ACSF2: variants seen among roughly 807,000 people sequenced by gnomAD.
ACSF2 encodes medium-chain acyl-CoA ligase ACSF2, mitochondrial.
Under a neutral mutation model 79.3 loss-of-function variants are expected in ACSF2, and 52 were observed. That is an observed-to-expected ratio of 0.66 (90% confidence interval 0.53 to 0.83). ACSF2 has a LOEUF of 0.83. Among genes scored for constraint, ACSF2 ranks in the 40% least tolerant of loss-of-function variants. The pLI, the probability that ACSF2 is intolerant of heterozygous loss-of-function variation, is 0.00. For missense variants in ACSF2, 661 were observed against 803.3 expected (o/e 0.82, Z 2.14); for synonymous variants, 283 against 312.6 (o/e 0.91, Z 1.00).
At chr17:50,445,327 A>G (rs1374757680) in intron 1 of ACSF2, among the ~76,000 whole-genome samples, 1 of 152,068 alleles carries the variant, frequency 6.6e-6, no homozygotes, top group Non-Finnish European at 1.5e-5. Context: ...ATCTCCCACA[A>G]ATTGCTGGGA....
chr17:50,427,796 T>TA (rs748578047), intron 1 of ACSF2, among the ~76,000 whole-genome samples: 18 of 152,214 alleles, frequency 1.2e-4, no homozygotes, highest in Admixed American at 2.0e-4. Flanking sequence ...GACTTTTTTT[T>TA]ATCTATAAAC....
At chr17:50,436,234 A>G (rs1273401969) in intron 1 of ACSF2, among the ~76,000 whole-genome samples, 1 of 151,680 alleles carries the variant, frequency 6.6e-6, no homozygotes, top group East Asian at 1.9e-4. Flanking sequence ...GGTTCACGCC[A>G]TTCTCCTGCC....
intron 1 of ACSF2, among the ~76,000 whole-genome samples, chr17:50,430,040 G>T (rs1250522703): frequency 6.6e-6 from 1 of 152,230 alleles, no homozygotes; most frequent in Non-Finnish European, 1.5e-5. Flanking sequence ...TGCCTATGAG[G>T]CAGCTGCATC....
chr17:50,453,112 C>T (rs750905394), intron 1 of ACSF2, among the ~76,000 whole-genome samples: 8 of 152,116 alleles, frequency 5.3e-5, no homozygotes, highest in African/African-American at 1.4e-4. Context: ...GCTCCTGGCT[C>T]GGGTGTTCAT....
At chr17:50,468,576 A>G (rs2032907038) in intron 10 of ACSF2, 3 of 1,614,218 alleles carry the variant, frequency 1.9e-6, no homozygotes, top group East Asian at 4.5e-5. Flanking sequence ...TGCAGGTGCA[A>G]TGACACGAGG....
intron 1 of ACSF2, among the ~76,000 whole-genome samples, chr17:50,451,092 A>T (rs1027386992): frequency 6.6e-6 from 1 of 152,140 alleles, no homozygotes; most frequent in African/African-American, 2.4e-5. Context: ...GTGCACCACC[A>T]TGCCCAGCTA....
chr17:50,442,401 G>T (rs1375382778), intron 1 of ACSF2, among the ~76,000 whole-genome samples: 3 of 147,838 alleles, frequency 2.0e-5, no homozygotes, highest in African/African-American at 7.5e-5. Context: ...GGAATCAAGT[G>T]ATCCTCCCGC....
intron 1 of ACSF2, among the ~76,000 whole-genome samples, chr17:50,444,652 C>T (rs1380599704): frequency 6.6e-6 from 1 of 151,814 alleles, no homozygotes; most frequent in Non-Finnish European, 1.5e-5. Context: ...CACACACACA[C>T]ACACACACAC....
intron 11 of ACSF2, chr17:50,472,137 C>T: frequency 2.5e-6 from 1 of 407,810 alleles, no homozygotes; most frequent in African/African-American, 2.1e-5. Flanking sequence ...GCTGGCTCTG[C>T]AGTCCACAAA....
chr17:50,468,889 G>C, intron 10 of ACSF2: 3 of 1,434,900 alleles, frequency 2.1e-6, no homozygotes, highest in East Asian at 2.6e-5. Context: ...CTAGGCGCTC[G>C]GGTCTGCCGC....
chr17:50,446,711 A>G (rs553045903), intron 1 of ACSF2, among the ~76,000 whole-genome samples: 1 of 152,312 alleles, frequency 6.6e-6, no homozygotes, highest in East Asian at 1.9e-4. Context: ...TTCTAACAGC[A>G]TAGATTAGTT....
At position 50,472,430 on chromosome 17, in the gene ACSF2, C is replaced by G. The variant is rs2305998; in HGVS notation, c.1326C>G (p.Ala442=). The stretch of plus-strand genomic sequence containing the variant: ...AACCTGAGGCCATCCTGTCCCAGGC[C>G]CGGATCATGAACATGGAGGCAGGGA... The part of the protein sequence containing the change: ...SVGRIMPHTE[A]RIMNMEAGTL... Residue 442 remains alanine, a splice_region_variant and synonymous_variant, in exon 12 of 16, where the codon GCC becomes GCG. Transcript: ENST00000300441. 0.28 allele frequency: 450,654 copies of G among 1,611,118 alleles called. 65,563 individuals are homozygous for G. Among genetic ancestry groups the G allele is most frequent in the Middle Eastern group, 0.32 (1,928 of 6,030 alleles).
intron 1 of ACSF2, among the ~76,000 whole-genome samples, chr17:50,432,835 C>G (rs1483885485): frequency 6.6e-6 from 1 of 152,156 alleles, no homozygotes; most frequent in Non-Finnish European, 1.5e-5. Context: ...GTAAAATAGG[C>G]TGTTTGGACA....
At chr17:50,460,445 C>T (rs1290815117) in intron 1 of ACSF2, 15 of 566,896 alleles carry the variant, frequency 2.6e-5, no homozygotes, top group Non-Finnish European at 4.4e-5. Flanking sequence ...CGAAGGAGGG[C>T]CCTTTGCTCC....
At chr17:50,432,158 C>T (rs922475096) in intron 1 of ACSF2, among the ~76,000 whole-genome samples, 2 of 152,136 alleles carry the variant, frequency 1.3e-5, no homozygotes, top group African/African-American at 2.4e-5. Flanking sequence ...GCCTCAGCCA[C>T]CTCCCAAAGT....
chr17:50,461,079 A>T, intron 2 of ACSF2, 163 bp from the exon 3 acceptor site: 14 of 1,219,960 alleles, frequency 1.1e-5, no homozygotes, highest in Non-Finnish European at 1.6e-5. Context: ...GGCACCTGTT[A>T]ACTATGCAGG....
chr17:50,454,169 ATTTTT>A (rs34569538), intron 1 of ACSF2, among the ~76,000 whole-genome samples: 236 of 113,072 alleles, frequency 2.1e-3, no homozygotes, highest in Non-Finnish European at 3.5e-3. Flanking sequence ...ACCGTCCCAA[ATTTTT>A]TTTTTTTTTT....
chr17:50,472,529 G>A lies in ACSF2; in HGVS notation c.1425G>A (p.Glu475=). 3 of 1,612,510 alleles carry A rather than the reference G, an allele frequency of 1.9e-6. No individual in the cohort carries two copies. The highest frequency in any genetic ancestry group is 1.3e-5 in the African/African-American group (1 of 74,982). Reference sequence around the variant, plus strand: ...GCGTCATGCTGGGCTACTGGGGTGAGCCTCAGAAGACAGAGGAAGCAGTGG... The same window carrying A: ...GCGTCATGCTGGGCTACTGGGGTGAACCTCAGAAGACAGAGGAAGCAGTGG... ...GYCVMLGYWG[E]PQKTEEAVDQ... The change falls in exon 12 of 16, where the codon GAG becomes GAA. Residue 475 remains glutamate, a synonymous_variant. Coordinates refer to ENST00000300441, the MANE Select transcript of ACSF2 (RefSeq NM_025149.6).
intron 1 of ACSF2, among the ~76,000 whole-genome samples, chr17:50,456,746 AAAAAT>A (rs1014507057): frequency 1.1e-4 from 16 of 140,000 alleles, no homozygotes; most frequent in African/African-American, 3.3e-4. Context: ...AAATAATGAT[AAAAAT>A]AAAATAAAAT....
Sources: allele counts gnomAD v4.1 joint callset (sites outside exome capture counted in the v4.1 genomes callset), GRCh38; gene constraint gnomAD v4.1.1; transcripts MANE v1.5; gene names NCBI Gene and HGNC (gene_info 2026-07-23, HGNC 2026-07-21).